SCNN1A: variants seen among roughly 807,000 people sequenced by gnomAD.
SCNN1A encodes the protein epithelial sodium channel subunit alpha.
Under a neutral mutation model 68.6 loss-of-function variants are expected in SCNN1A, and 65 were observed. The ratio of observed to expected loss-of-function variants is 0.95; its 90% CI spans 0.78 to 1.16. The LOEUF is 1.16. SCNN1A is among the 50% of genes most tolerant of loss of function. The pLI, the probability that SCNN1A is intolerant of heterozygous loss-of-function variation, is 0.00. For missense variants in SCNN1A, 880 were observed against 865.9 expected (o/e 1.02, Z -0.20); for synonymous variants, 357 against 353.3 (o/e 1.01, Z -0.12).
chr12:6,355,643 C>G, intron 5 of SCNN1A, 134 bp downstream of exon 5: 1 of 903,792 alleles, frequency 1.1e-6, no homozygotes, highest in South Asian at 1.3e-5. Context: ...ATGCCTGGAA[C>G]GGACTATGTG....
intron 10 of SCNN1A, 55 bp from the exon 11 acceptor site, chr12:6,349,060 G>A: frequency 6.2e-7 from 1 of 1,609,064 alleles, no homozygotes; most frequent in Non-Finnish European, 8.5e-7. Flanking sequence ...CAGGCTTACA[G>A]GGATAGGGTT....
chr12:6,349,381 A>C lies in SCNN1A; in HGVS notation c.1385T>G (p.Val462Gly). Residue 462 changes from valine to glycine, a missense_variant, in exon 9 of 13, where the codon GTT becomes GGT. Around this residue, in one of 3 missense-constraint regions of SCNN1A, gnomAD observed 758 missense variants for 721.8 expected, o/e 1.05. Coordinates refer to ENST00000228916, the MANE Select transcript of SCNN1A (RefSeq NM_001038.6). Reference sequence around the variant, plus strand: ...GCCCAGGTGGTCTGAGGAGAAGTCAACCTGGAGCTTATAGTAGCAGTACCC... The same window carrying C: ...GCCCAGGTGGTCTGAGGAGAAGTCACCCTGGAGCTTATAGTAGCAGTACCC... The part of the protein sequence containing the change: ...SWGYCYYKLQ[V>G]DFSSDHLGCF... The C allele has an allele frequency of 6.2e-7, 1 of 1,604,226 alleles. No individual in the cohort carries two copies. The highest frequency in any genetic ancestry group is 1.7e-5 in the Admixed American group (1 of 58,384).
chr12:6,350,962 T>C (rs1948377878), intron 8 of SCNN1A, among the ~76,000 whole-genome samples: 1 of 152,212 alleles, frequency 6.6e-6, no homozygotes, highest in Admixed American at 6.5e-5. Context: ...AATGGTGATG[T>C]CACTTCGGAA....
chr12:6,361,770 A>C (rs552440087), intron 4 of SCNN1A, among the ~76,000 whole-genome samples: 5 of 152,154 alleles, frequency 3.3e-5, no homozygotes, highest in Non-Finnish European at 7.4e-5. Context: ...AAAAAGACCA[A>C]GATCCATGCT....
At chr12:6,355,220 C>T (rs1462194741) in intron 6 of SCNN1A, 52 bp downstream of exon 6, 16 of 1,584,182 alleles carry the variant, frequency 1.0e-5, no homozygotes, top group African/African-American at 8.1e-5. Context: ...CTCCCCGCTG[C>T]CCCTCTGCAA....
chr12:6,363,160 A>T (rs1379928541), intron 3 of SCNN1A, among the ~76,000 whole-genome samples: 2 of 151,072 alleles, frequency 1.3e-5, no homozygotes, highest in African/African-American at 4.9e-5. Flanking sequence ...TAATAATAAT[A>T]AAAGTTCATT....
chr12:6,350,421 G>A (rs1479707954), intron 8 of SCNN1A, among the ~76,000 whole-genome samples: 6 of 147,448 alleles, frequency 4.1e-5, no homozygotes, highest in Admixed American at 1.4e-4. Flanking sequence ...GCGACTGAGC[G>A]AGACTCCGTC....
chr12:6,374,692 A>T lies in SCNN1A; in HGVS notation c.92T>A (p.Leu31Gln), dbSNP rs771310951. The change falls in exon 2 of 13, where the codon CTG becomes CAG. Residue 31 changes from leucine to glutamine, a missense_variant. Transcript: ENST00000228916. This position sits in a 1 kb window ranked among gnomAD's most constrained non-coding sequence, Gnocchi z 6.2. The stretch of plus-strand genomic sequence containing the variant: ...CTGGGGCGCCGCAGGTTCGGGGCCC[A>T]GCCCCTGCTCCTCACGCTTGTTCCC... ...MKGNKREEQG[L>Q]GPEPAAPQQP... 2 of 1,614,022 alleles carry T rather than the reference A, an allele frequency of 1.2e-6. No individual in the cohort carries two copies. Among genetic ancestry groups the T allele is most frequent in the Non-Finnish European group, 1.7e-6 (2 of 1,179,972 alleles).
Position 6,374,786 on chromosome 12 carries a change from G to A in SCNN1A, c.-3C>T. 6.2e-7 allele frequency: 1 copy of A among 1,614,046 alleles called. No homozygotes were observed. The highest frequency in any genetic ancestry group is 8.5e-7 in the Non-Finnish European group (1 of 1,180,002). Reference sequence around the variant, plus strand: ...TCCTCCAGCTTGTTCCCCTCCATGAGACCTGGTATGGGCTGCAGAGGTCTA... The same window carrying A: ...TCCTCCAGCTTGTTCCCCTCCATGAAACCTGGTATGGGCTGCAGAGGTCTA... On this transcript the variant is annotated 5_prime_UTR_variant, in exon 2 of 13. Coordinates refer to ENST00000228916, the MANE Select transcript of SCNN1A (RefSeq NM_001038.6). The surrounding 1 kb of genome is among the most constrained non-coding windows in gnomAD (Gnocchi z 6.2).
chr12:6,361,106 A>G (rs1267573975), intron 4 of SCNN1A, among the ~76,000 whole-genome samples: 1 of 152,254 alleles, frequency 6.6e-6, no homozygotes, highest in African/African-American at 2.4e-5. Flanking sequence ...CATGGATTAT[A>G]TAGTTTTTCC....
In SCNN1A at chr12:6,347,782, G is replaced by GA; in HGVS notation, c.*90_*91insT. On this transcript the variant is annotated 3_prime_UTR_variant, in exon 13 of 13. Coordinates refer to ENST00000228916, the MANE Select transcript of SCNN1A (RefSeq NM_001038.6). ...AACGGCAGTTTGGGCGGCTCTGAGA[G>GA]GAAGCCCTGCACATCCTTCAATCTT... The GA allele has an allele frequency of 3.4e-6, 4 of 1,159,688 alleles. No homozygotes were observed. The highest frequency in any genetic ancestry group is 5.1e-6 in the Non-Finnish European group (4 of 791,808). The allele number at this position is 1,159,688 out of a possible 1,614,324, so 71.8% of individuals were successfully genotyped here.
intron 1 of SCNN1A, 124 bp downstream of exon 1, chr12:6,375,381 C>A (rs991227367): frequency 2.8e-5 from 42 of 1,480,160 alleles, no homozygotes; most frequent in Non-Finnish European, 3.6e-5. Context: ...TCTGTCTCTG[C>A]CCCAGGACTG....
chr12:6,362,841 G>A (rs1410503100), intron 3 of SCNN1A, among the ~76,000 whole-genome samples: 2 of 117,632 alleles, frequency 1.7e-5, no homozygotes, highest in Non-Finnish European at 3.7e-5. Context: ...CACCACATGG[G>A]CTAATTTTTG....
intron 4 of SCNN1A, among the ~76,000 whole-genome samples, chr12:6,357,562 A>C (rs2136872391): frequency 6.6e-6 from 1 of 152,266 alleles, no homozygotes; most frequent in South Asian, 2.1e-4. Flanking sequence ...TCTCAAAAAA[A>C]AAAATAGTAA....
intron 3 of SCNN1A, 130 bp from the exon 4 acceptor site, chr12:6,362,371 G>T (rs72645114): frequency 1.8e-5 from 15 of 815,166 alleles, no homozygotes; most frequent in Non-Finnish European, 3.0e-5. Flanking sequence ...CAGGAGTGGG[G>T]AAAGACAGAA....
intron 2 of SCNN1A, among the ~76,000 whole-genome samples, chr12:6,371,569 TGGGGCGG>T (rs1327326392): frequency 9.6e-4 from 14 of 14,652 alleles, no homozygotes; most frequent in Non-Finnish European, 1.7e-3. Context: ...GGGGTGGGGG[TGGGGCGG>T]GGGGCGGGGG....
chr12:6,364,022 A>G (rs1450502852), intron 2 of SCNN1A: 3 of 256,406 alleles, frequency 1.2e-5, no homozygotes, highest in Non-Finnish European at 2.2e-5. Context: ...GGAACCCGGA[A>G]CTTGTCTGCC....
At chr12:6,355,928 G>A in intron 4 of SCNN1A, 48 bp from the exon 5 acceptor site, 4 of 1,165,020 alleles carry the variant, frequency 3.4e-6, no homozygotes, top group Non-Finnish European at 5.2e-6. Flanking sequence ...TGTAGGTGGT[G>A]CAGGGAATAG....
At position 6,347,836 on chromosome 12, in the gene SCNN1A, A is replaced by G. The variant is rs1948285203; in HGVS notation, c.*37T>C. ...AGGGCCAGCACCCTCCCACCAGAGG[A>G]GCATCTGCCTTGGTGTGAGAAACCT... On this transcript the variant is annotated 3_prime_UTR_variant, in exon 13 of 13. Coordinates refer to ENST00000228916, the MANE Select transcript of SCNN1A (RefSeq NM_001038.6). The G allele has an allele frequency of 6.4e-7, 1 of 1,564,390 alleles. No individual in the cohort carries two copies. Among genetic ancestry groups the G allele is most frequent in the Non-Finnish European group, 8.7e-7 (1 of 1,143,600 alleles).
Sources: gnomAD v4.1 joint callset for allele counts (sites outside exome capture counted in the v4.1 genomes callset) on GRCh38, gnomAD v4.1.1 for gene constraint, gnomAD v4.1.1 regional missense constraint, Gnocchi (gnomAD v3.1) non-coding constraint, MANE v1.5 for transcripts, NCBI Gene and HGNC (gene_info 2026-07-23, HGNC 2026-07-21) for gene names.